GTF3A: variants seen among roughly 807,000 people sequenced by gnomAD.
GTF3A encodes transcription factor IIIA.
GTF3A carries 40 observed loss-of-function variants against 37.6 expected under a neutral mutation model. The observed-to-expected ratio is 1.06, with a 90% CI of 0.83 to 1.38. The LOEUF is 1.38. GTF3A is among the 40% of genes most tolerant of loss of function. The pLI, the probability that GTF3A is intolerant of heterozygous loss-of-function variation, is 0.00. For synonymous variants in GTF3A, 191 were observed against 166.7 expected, an observed-to-expected ratio of 1.15 and a Z score of -1.12; for missense variants, 500 against 462.6, an observed-to-expected ratio of 1.08 and a Z score of -0.74.
At chr13:27,428,601 C>T (rs776136420) in intron 2 of GTF3A, among the ~76,000 whole-genome samples, 6 of 152,170 alleles carry the variant, frequency 3.9e-5, no homozygotes, top group East Asian at 1.9e-4. Context: ...CCAAGTGTGC[C>T]GGGGTCTCTC....
intron 4 of GTF3A, among the ~76,000 whole-genome samples, chr13:27,432,170 G>A (rs756799429): frequency 2.0e-5 from 3 of 152,212 alleles, no homozygotes; most frequent in Non-Finnish European, 2.9e-5. Context: ...TGGCCATCCG[G>A]CACTTTCCCT....
chr13:27,424,645 C>T lies in GTF3A; in HGVS notation c.-93C>T, dbSNP rs921868299. 2.1e-6 allele frequency: 2 copies of T among 938,412 alleles called. No individual in the cohort carries two copies. Among genetic ancestry groups the T allele is most frequent in the African/African-American group, 1.7e-5 (1 of 57,574 alleles). The allele number at this position is 938,412 out of a possible 1,614,324, so 58.1% of individuals were successfully genotyped here. ...AGTGTGCCGGCGTCGCGCGAAGGTT[C>T]AGCAGGGAGCCGTGGGCCGGGCGCG... On this transcript the variant is annotated 5_prime_UTR_variant, in exon 1 of 9. Coordinates refer to ENST00000381140, the MANE Select transcript of GTF3A (RefSeq NM_002097.3).
chr13:27,435,531 C>G lies in GTF3A; in HGVS notation c.1032C>G (p.Asn344Lys). 1 of 1,613,312 alleles carries G rather than the reference C, an allele frequency of 6.2e-7. No homozygotes were observed. The highest frequency in any genetic ancestry group is 8.5e-7 in the Non-Finnish European group (1 of 1,179,412). Residue 344 changes from asparagine (N) to lysine (K), a missense_variant, in exon 9 of 9, where the codon AAC (asparagine) becomes AAG (lysine). By Grantham distance (94) the Asn-to-Lys change is moderately conservative. Transcript: ENST00000381140. ...GGCAAGGCTTATCTTTGTGTCAAAA[C>G]GGAGAGTCACCCAACTGTGTGGAAG...
intron 5 of GTF3A, among the ~76,000 whole-genome samples, chr13:27,433,621 C>T (rs937929290): frequency 1.7e-4 from 25 of 150,440 alleles, no homozygotes; most frequent in African/African-American, 6.1e-4. Context: ...GATGGCCAGA[C>T]TAGAGGAAGC....
intron 4 of GTF3A, among the ~76,000 whole-genome samples, chr13:27,432,254 C>CTGCTGCTT (rs1330130923): frequency 2.0e-5 from 3 of 152,174 alleles, no homozygotes; most frequent in Non-Finnish European, 4.4e-5. Flanking sequence ...GGGTCTGCTG[C>CTGCTGCTT]TGCTGCTTTG....
chr13:27,434,558 C>T (rs1025500591), intron 6 of GTF3A: 5 of 564,022 alleles, frequency 8.9e-6, no homozygotes, highest in African/African-American at 1.9e-5. Context: ...TGTACCTCCC[C>T]ACAGTCACCT....
Position 27,430,555 on chromosome 13 carries a change from A to C in GTF3A, c.422A>C (p.Lys141Thr), listed in dbSNP as rs192524115. 3.3e-4 allele frequency: 535 copies of C among 1,611,286 alleles called. No homozygotes were observed. The highest frequency in any genetic ancestry group is 4.2e-4 in the Non-Finnish European group (489 of 1,177,702). The change falls in exon 4 of 9, where the codon AAG becomes ACG. Residue 141 changes from lysine (K) to threonine (T), a missense_variant. Lys to Thr is a moderately conservative substitution (Grantham distance 78). Coordinates refer to ENST00000381140, the MANE Select transcript of GTF3A (RefSeq NM_002097.3). ...CAGTGCAGTTTTGAAGACTGTAAGAAGACCTTTAAGAAACATCAGCAGCTG... is the reference window on the plus strand; with the variant it reads ...CAGTGCAGTTTTGAAGACTGTAAGACGACCTTTAAGAAACATCAGCAGCTG...
intron 3 of GTF3A, 96 bp from the exon 4 acceptor site, chr13:27,430,436 AC>A (rs2138024741): frequency 1.4e-6 from 1 of 699,036 alleles, no homozygotes; most frequent in Admixed American, 2.9e-5. Flanking sequence ...GAAATTTTAT[AC>A]AGTCTCCAAA....
At chr13:27,435,232 G>T (rs1338254461) in intron 8 of GTF3A, 40 bp downstream of exon 8, 1 of 1,531,724 alleles carries the variant, frequency 6.5e-7, no homozygotes, top group Admixed American at 2.0e-5. Context: ...TTTTCAAGTG[G>T]AAATTGTTTA....
intron 4 of GTF3A, among the ~76,000 whole-genome samples, 171 bp from the exon 5 acceptor site, chr13:27,432,560 G>A (rs1366218891): frequency 6.6e-6 from 1 of 152,124 alleles, no homozygotes; most frequent in Non-Finnish European, 1.5e-5. Flanking sequence ...TTGTCCTAAA[G>A]CTGGTCAAGT....
chr13:27,435,065 A>G (rs1953697736), intron 7 of GTF3A, 31 bp downstream of exon 7: 2 of 1,539,208 alleles, frequency 1.3e-6, no homozygotes. Flanking sequence ...TCATGGTCCT[A>G]TAGTCTATGC....
intron 2 of GTF3A, 82 bp from the exon 3 acceptor site, chr13:27,429,788 C>A: frequency 1.5e-6 from 1 of 647,520 alleles, no homozygotes; most frequent in Non-Finnish European, 2.6e-6. Context: ...GAATTAGCTT[C>A]TATAAAGTAG....
At chr13:27,425,164 T>C in intron 1 of GTF3A, 1 of 488,620 alleles carries the variant, frequency 2.0e-6, no homozygotes, top group Non-Finnish European at 3.7e-6. Flanking sequence ...CAGTCATTGA[T>C]CGTGAGTCTC....
intron 5 of GTF3A, among the ~76,000 whole-genome samples, chr13:27,433,528 A>C (rs537500821): frequency 0.07 from 2,292 of 32,878 alleles, 58 homozygotes; most frequent in African/African-American, 0.16. Flanking sequence ...AAAAAAAAAC[A>C]AAAAAAAACT....
intron 5 of GTF3A, among the ~76,000 whole-genome samples, chr13:27,433,541 T>TTTG (rs144593404): frequency 0.94 from 131,731 of 140,306 alleles, 61,795 homozygotes; most frequent in Admixed American, 0.96. Context: ...AAAAAACTTT[T>TTTG]TTTTTTTTTT....
Position 27,432,711 on chromosome 13 carries a change from C to T in GTF3A, c.489-20C>T, listed in dbSNP as rs775713824. On this transcript the variant is annotated intron_variant, in intron 4 of 8. Coordinates refer to ENST00000381140, the MANE Select transcript of GTF3A (RefSeq NM_002097.3). Reference sequence around the variant, plus strand: ...TCTGTGAAAATGGATTGGCTAATACCTCATGTGTTGCCAATGCAGGTGTAC... The same window carrying T: ...TCTGTGAAAATGGATTGGCTAATACTTCATGTGTTGCCAATGCAGGTGTAC... 4 of 1,587,306 alleles carry T rather than the reference C, an allele frequency of 2.5e-6. No homozygotes were observed. Among genetic ancestry groups the T allele is most frequent in the Middle Eastern group, 1.7e-4 (1 of 6,016 alleles).
chr13:27,435,641 G>A lies in GTF3A; in HGVS notation c.*44G>A. 6.2e-7 allele frequency: 1 copy of A among 1,612,406 alleles called. No individual in the cohort carries two copies. The highest frequency in any genetic ancestry group is 1.1e-5 in the South Asian group (1 of 91,046). Reference sequence around the variant, plus strand: ...TAAAGGACTGCAGACCAAGGAGCGAGCTTTCTCTCAGAGCATGCTTTTCTT... The same window carrying A: ...TAAAGGACTGCAGACCAAGGAGCGAACTTTCTCTCAGAGCATGCTTTTCTT... On this transcript the variant is annotated 3_prime_UTR_variant, in exon 9 of 9. Transcript: ENST00000381140.
chr13:27,426,319 G>T (rs1384846618), intron 1 of GTF3A: 1 of 152,294 alleles, frequency 6.6e-6, no homozygotes, highest in Admixed American at 6.5e-5. Flanking sequence ...GCTGTGCAAG[G>T]TTCTGTGGCT....
intron 6 of GTF3A, 102 bp downstream of exon 6, chr13:27,434,321 G>C (rs1953688011): frequency 1.4e-6 from 1 of 731,068 alleles, no homozygotes; most frequent in African/African-American, 1.7e-5. Flanking sequence ...AAAGTAAAAG[G>C]GTTTCTCTAT....
Sources: allele counts gnomAD v4.1 joint callset (sites outside exome capture counted in the v4.1 genomes callset), GRCh38; gene constraint gnomAD v4.1.1; transcripts MANE v1.5; gene names NCBI Gene and HGNC (gene_info 2026-07-23, HGNC 2026-07-21).